Variants in AKR1C2 observed in about 807,000 individuals in gnomAD.
AKR1C2 encodes the protein aldo-keto reductase family 1 member C2, also known as 3-alpha-HSD3.
In AKR1C2, 27 loss-of-function variants were observed where a neutral mutation model predicts 39.8. That is an observed-to-expected ratio of 0.68 (90% CI 0.50 to 0.93). AKR1C2 has a LOEUF of 0.93. Among genes scored for constraint, AKR1C2 ranks in the 40% least tolerant of loss-of-function variants. The pLI is 0.00. For synonymous variants in AKR1C2, 114 were observed against 137.9 expected, an observed-to-expected ratio of 0.83 and a Z score of 1.22; for missense variants, 263 against 365.1, an observed-to-expected ratio of 0.72 and a Z score of 2.28.
chr10:5,008,182 T>C (rs1837443128), upstream of AKR1C2, among the ~76,000 whole-genome samples: 1 of 151,034 alleles, frequency 6.6e-6, no homozygotes, highest in Non-Finnish European at 1.5e-5. Context: ...TGCTACACAG[T>C]GCACCCATGG....
chr10:4,994,826 T>C (rs1216904008), intron 7 of AKR1C2, among the ~76,000 whole-genome samples: 2 of 144,572 alleles, frequency 1.4e-5, no homozygotes, highest in Non-Finnish European at 1.5e-5. Flanking sequence ...GTTTGTCTTA[T>C]ATCCTAAGGT....
At chr10:4,997,213 TACTC>T (rs1554773196) in intron 5 of AKR1C2, 1 of 152,378 alleles carries the variant, frequency 6.6e-6, no homozygotes, top group Admixed American at 6.5e-5. Flanking sequence ...TGTAATAAAA[TACTC>T]ACATCTAACT....
chr10:4,991,628 T>G (rs1267248409), intron 8 of AKR1C2, among the ~76,000 whole-genome samples: 1 of 149,446 alleles, frequency 6.7e-6, no homozygotes, highest in African/African-American at 2.5e-5. Context: ...GAGGCACAGG[T>G]TGACCCATGC....
chr10:4,995,543 T>C (rs1393665916), intron 6 of AKR1C2, 59 bp from the exon 7 acceptor site: 1 of 1,573,192 alleles, frequency 6.4e-7, no homozygotes, highest in African/African-American at 1.4e-5. Flanking sequence ...GTTAGGCGGC[T>C]CCCTAAACAG....
chr10:4,991,704 G>C, intron 8 of AKR1C2, 127 bp downstream of exon 8: 1 of 187,990 alleles, frequency 5.3e-6, no homozygotes, highest in Non-Finnish European at 1.1e-5. Flanking sequence ...GAGACTTCCA[G>C]AAAGCTCCTG....
intron 7 of AKR1C2, among the ~76,000 whole-genome samples, chr10:4,994,470 T>G (rs1836961421): frequency 6.6e-6 from 1 of 152,140 alleles, no homozygotes; most frequent in African/African-American, 2.4e-5. Flanking sequence ...TCCTGTAACT[T>G]GCATTAGGTG....
intron 1 of AKR1C2, among the ~76,000 whole-genome samples, chr10:5,002,850 C>T (rs1412519030): frequency 6.6e-6 from 1 of 152,180 alleles, no homozygotes; most frequent in Admixed American, 6.5e-5. Flanking sequence ...CAGTGGTATC[C>T]TCATCTTTAC....
intron 1 of AKR1C2, among the ~76,000 whole-genome samples, chr10:5,011,049 A>AG (rs1404892874): frequency 2.0e-5 from 3 of 151,818 alleles, no homozygotes; most frequent in African/African-American, 7.3e-5. Flanking sequence ...CAAAAAAAAA[A>AG]AAAATCAACA....
intron 7 of AKR1C2, among the ~76,000 whole-genome samples, chr10:4,994,310 A>C (rs1455050189): frequency 1.3e-5 from 2 of 152,098 alleles, no homozygotes; most frequent in African/African-American, 2.4e-5. Flanking sequence ...TTGATATATT[A>C]TTTCACACAT....
chr10:5,011,250 G>A (rs1468696953), intron 1 of AKR1C2, among the ~76,000 whole-genome samples: 1 of 152,162 alleles, frequency 6.6e-6, no homozygotes, highest in Non-Finnish European at 1.5e-5. Context: ...ACAGGCACTT[G>A]GTATCTGCCC....
chr10:4,995,179 T>G, intron 7 of AKR1C2, 140 bp downstream of exon 7: 1 of 1,325,436 alleles, frequency 7.5e-7, no homozygotes. Flanking sequence ...GAAGAAACCC[T>G]TATGACGTAC....
chr10:5,016,556 T>C (rs1837643422), intron 1 of AKR1C2, among the ~76,000 whole-genome samples: 1 of 152,222 alleles, frequency 6.6e-6, no homozygotes, highest in Admixed American at 6.5e-5. Flanking sequence ...CCTCTGTGGC[T>C]ATACAGGGTA....
In AKR1C2 at chr10:4,989,916, A is replaced by G. The variant is rs1376602286; in HGVS notation, c.*80T>C. On this transcript the variant is annotated 3_prime_UTR_variant, in exon 9 of 9. Transcript: ENST00000380753. ...AGATTTAACCAGAGGCGATGTGTCC[A>G]GTCACCAGCATAGAGCCATCCTCTG... 26 of 1,473,590 alleles carry G rather than the reference A, an allele frequency of 1.8e-5. No homozygotes were observed. The Admixed American group carries it at 4.3e-4, about 25-fold the overall frequency. The allele number at this position is 1,473,590 out of a possible 1,614,324, so 91.3% of individuals were successfully genotyped here. A position where few individuals can be genotyped will look rare whatever the true frequency, so the allele number is the denominator to read the frequency against.
At chr10:4,995,646 C>A in intron 6 of AKR1C2, 110 bp downstream of exon 6, 1 of 1,305,220 alleles carries the variant, frequency 7.7e-7, no homozygotes, top group South Asian at 1.5e-5. Context: ...AATGCAAATT[C>A]TTCCCTCACC....
chr10:5,016,470 T>A (rs1375961660), intron 1 of AKR1C2, among the ~76,000 whole-genome samples: 2 of 152,160 alleles, frequency 1.3e-5, no homozygotes, highest in Admixed American at 1.3e-4. Context: ...TCCGAAATAA[T>A]CTCTATTGAC....
At chr10:5,013,947 C>G (rs1315566388) in intron 1 of AKR1C2, among the ~76,000 whole-genome samples, 1 of 152,168 alleles carries the variant, frequency 6.6e-6, no homozygotes, top group Non-Finnish European at 1.5e-5. Context: ...CATAGTTGGA[C>G]TTATACAGTA....
chr10:5,012,922 A>T (rs1307605525), intron 1 of AKR1C2, among the ~76,000 whole-genome samples: 6 of 152,074 alleles, frequency 3.9e-5, no homozygotes, highest in African/African-American at 1.4e-4. Flanking sequence ...TTCTTCAGGG[A>T]CTTCTCAATT....
At chr10:4,990,445 A>T (rs1836797957) in intron 8 of AKR1C2, among the ~76,000 whole-genome samples, 1 of 152,146 alleles carries the variant, frequency 6.6e-6, no homozygotes, top group Non-Finnish European at 1.5e-5. Context: ...CTAATAAACA[A>T]TTTTGAGTGT....
At chr10:5,008,199 C>T (rs55687062), upstream of AKR1C2, among the ~76,000 whole-genome samples, 119,461 of 147,502 alleles carry the variant, frequency 0.81, 48,171 homozygotes, top group South Asian at 0.85. Context: ...ATGGAGACCC[C>T]CTGCAGAGCT....
Sources: allele counts gnomAD v4.1 joint callset (sites outside exome capture counted in the v4.1 genomes callset), GRCh38; gene constraint gnomAD v4.1.1; transcripts MANE v1.5; gene names NCBI Gene and HGNC (gene_info 2026-07-23, HGNC 2026-07-21).